The following DOCK1 variants were observed in gnomAD, a reference collection of about 807,000 sequenced individuals.
The protein encoded by DOCK1 is dedicator of cytokinesis 1.
In DOCK1, 138 loss-of-function variants were observed where a neutral mutation model predicts 262.7. The ratio of observed to expected loss-of-function variants is 0.53; its 90% CI spans 0.46 to 0.61. The LOEUF is 0.61. Among genes scored for constraint, DOCK1 ranks in the 20% least tolerant of loss-of-function variants. The pLI is 0.00. For synonymous variants in DOCK1, 866 were observed against 867.4 expected, an observed-to-expected ratio of 1.00 and a Z score of 0.03; for missense variants, 1,908 against 2,370.7, an observed-to-expected ratio of 0.80 and a Z score of 4.05.
intron 44 of DOCK1, 96 bp downstream of exon 44, chr10:127,415,334 G>A (rs997738759): frequency 8.2e-7 from 1 of 1,225,536 alleles, no homozygotes; most frequent in Non-Finnish European, 1.2e-6. Flanking sequence ...TGGTCACTGT[G>A]GCAGCGTGCA....
chr10:127,247,905 G>T (rs2059485262), intron 27 of DOCK1, 103 bp from the exon 28 acceptor site: 2 of 1,115,756 alleles, frequency 1.8e-6, no homozygotes, highest in Non-Finnish European at 2.6e-6. Context: ...ATGCCCCGTT[G>T]CTTCTCCCTG....
chr10:127,203,899 A>ATT (rs112984062), intron 27 of DOCK1, among the ~76,000 whole-genome samples: 1,747 of 144,846 alleles, frequency 0.012, 27 homozygotes, highest in African/African-American at 0.042. Flanking sequence ...CACAATTTTG[A>ATT]TTTTTTTTTT....
chr10:127,369,604 G>A (rs2065102040), intron 33 of DOCK1, among the ~76,000 whole-genome samples: 1 of 152,236 alleles, frequency 6.6e-6, no homozygotes, highest in South Asian at 2.1e-4. Context: ...AGGAGCCGCT[G>A]CACCTGTCTC....
At chr10:127,124,647 G>A (rs888567447) in intron 25 of DOCK1, among the ~76,000 whole-genome samples, 5 of 152,166 alleles carry the variant, frequency 3.3e-5, no homozygotes, top group Middle Eastern at 3.4e-3. Context: ...ATAGCCATGC[G>A]TCCCAGAGTG....
intron 45 of DOCK1, among the ~76,000 whole-genome samples, chr10:127,419,285 A>T (rs1441081736): frequency 6.6e-6 from 1 of 152,198 alleles, no homozygotes; most frequent in Non-Finnish European, 1.5e-5. Flanking sequence ...CCCTTGCACA[A>T]AGAAGTTTGT....
intron 27 of DOCK1, among the ~76,000 whole-genome samples, chr10:127,155,132 C>G (rs2052912180): frequency 6.6e-6 from 1 of 152,228 alleles, no homozygotes; most frequent in South Asian, 2.1e-4. Flanking sequence ...ACCAGAGTAA[C>G]AGTGTGCACA....
At chr10:127,069,089 C>G (rs1019986696) in intron 23 of DOCK1, among the ~76,000 whole-genome samples, 3 of 152,220 alleles carry the variant, frequency 2.0e-5, no homozygotes, top group Non-Finnish European at 2.9e-5. Flanking sequence ...AAGTCATGAT[C>G]AAGGCGATTA....
At chr10:127,248,166 C>A in intron 28 of DOCK1, 57 bp downstream of exon 28, 1 of 1,424,118 alleles carries the variant, frequency 7.0e-7, no homozygotes, top group Non-Finnish European at 9.8e-7. Flanking sequence ...GCACTTTAGA[C>A]AAAAGCCTGA....
At chr10:127,384,122 T>C (rs1474990039) in intron 37 of DOCK1, among the ~76,000 whole-genome samples, 1 of 152,226 alleles carries the variant, frequency 6.6e-6, no homozygotes, top group Non-Finnish European at 1.5e-5. Flanking sequence ...CTGAATTTTA[T>C]TGAACCTTAT....
In DOCK1 at chr10:127,341,742, C is replaced by T. The variant is rs12414345; in HGVS notation, c.3124-1904C>T. Among the ~76,000 whole-genome samples, 762 of 152,274 alleles carry T rather than the reference C, an allele frequency of 5.0e-3. 21 individuals are homozygous for T. The highest frequency in any genetic ancestry group is 0.037 in the East Asian group (191 of 5,172). ...GCCCCTTGGACTCTCACCGTGAGCCCGCACACCTTACAAGCCACGTGCTTC... is the reference window on the plus strand; with the variant it reads ...GCCCCTTGGACTCTCACCGTGAGCCTGCACACCTTACAAGCCACGTGCTTC... On this transcript the variant is annotated intron_variant, in intron 30 of 51. Coordinates refer to ENST00000623213, the MANE Select transcript of DOCK1 (RefSeq NM_001290223.2).
intron 12 of DOCK1, among the ~76,000 whole-genome samples, chr10:127,018,279 G>A (rs969244055): frequency 6.6e-5 from 10 of 152,158 alleles, no homozygotes; most frequent in African/African-American, 2.4e-4. Context: ...ATGGGTTCTC[G>A]AAGCTACGAA....
intron 5 of DOCK1, among the ~76,000 whole-genome samples, chr10:126,990,167 GC>G (rs1389621095): frequency 1.3e-5 from 2 of 152,188 alleles, no homozygotes; most frequent in Non-Finnish European, 1.5e-5. Context: ...TCAAGGTCTA[GC>G]CCCTGTTGGG....
intron 11 of DOCK1, among the ~76,000 whole-genome samples, chr10:127,010,253 G>A (rs2041326604): frequency 1.3e-5 from 2 of 152,114 alleles, no homozygotes; most frequent in Non-Finnish European, 2.9e-5. Flanking sequence ...GATCACCTGA[G>A]GTCAGGAGTT....
At chr10:127,444,303 C>G in intron 50 of DOCK1, 24 bp downstream of exon 50, 1 of 1,574,436 alleles carries the variant, frequency 6.4e-7, no homozygotes. Flanking sequence ...TCCCCACATA[C>G]GAATCGTGCT....
chr10:127,310,487 T>C (rs2062026902), intron 29 of DOCK1, among the ~76,000 whole-genome samples: 1 of 152,226 alleles, frequency 6.6e-6, no homozygotes, highest in Non-Finnish European at 1.5e-5. Flanking sequence ...TTTGACTGTT[T>C]ACATTATGGA....
intron 42 of DOCK1, among the ~76,000 whole-genome samples, chr10:127,410,265 C>T (rs988442462): frequency 6.6e-5 from 10 of 152,154 alleles, no homozygotes; most frequent in Non-Finnish European, 1.3e-4. Flanking sequence ...AGGCCTTAAG[C>T]AAATAGTGAC....
At chr10:127,019,893 C>T (rs558075630) in intron 13 of DOCK1, among the ~76,000 whole-genome samples, 9 of 152,304 alleles carry the variant, frequency 5.9e-5, no homozygotes, top group Admixed American at 3.3e-4. Context: ...ATATTCAACG[C>T]GGCCTCCTTT....
chr10:127,119,721 C>T (rs1363037404), intron 25 of DOCK1, among the ~76,000 whole-genome samples: 1 of 152,182 alleles, frequency 6.6e-6, no homozygotes, highest in Non-Finnish European at 1.5e-5. Context: ...CTTTATGGAT[C>T]ATTTATTTAA....
At chr10:127,180,551 CAAATT>C (rs996863316) in intron 27 of DOCK1, among the ~76,000 whole-genome samples, 1 of 152,182 alleles carries the variant, frequency 6.6e-6, no homozygotes, top group Non-Finnish European at 1.5e-5. Context: ...TAATTACCCT[CAAATT>C]AAATTTCATA....
Sources: allele counts gnomAD v4.1 joint callset (sites outside exome capture counted in the v4.1 genomes callset), GRCh38; gene constraint gnomAD v4.1.1; transcripts MANE v1.5; gene names NCBI Gene and HGNC (gene_info 2026-07-23, HGNC 2026-07-21).